TG: variants seen among roughly 807,000 people sequenced by gnomAD.
TG encodes the protein thyroglobulin.
Under a neutral mutation model 324.7 loss-of-function variants are expected in TG, and 270 were observed. The ratio of observed to expected loss-of-function variants is 0.83; its 90% CI spans 0.75 to 0.92. The LOEUF is 0.92. Ranked by LOEUF, TG falls within the 40% of genes least tolerant of loss-of-function variation. TG has a pLI of 0.00. For missense variants in TG, 3,591 were observed against 3,456.4 expected (o/e 1.04, Z -0.98); for synonymous variants, 1,401 against 1,327.0 (o/e 1.06, Z -1.21).
At chr8:132,882,393 T>C in intron 6 of TG, 76 bp from the exon 7 acceptor site, 1 of 1,534,960 alleles carries the variant, frequency 6.5e-7, no homozygotes, top group Non-Finnish European at 9.0e-7. Flanking sequence ...TCTCTCTCAG[T>C]ATCTGTTTGC....
chr8:132,980,881 T>G (rs542287355), intron 34 of TG, among the ~76,000 whole-genome samples: 22 of 152,308 alleles, frequency 1.4e-4, no homozygotes, highest in Non-Finnish European at 2.6e-4. Context: ...AGCACAGCAC[T>G]GCATGCGGTA....
intron 43 of TG, among the ~76,000 whole-genome samples, chr8:133,112,608 A>G (rs1850352492): frequency 6.6e-6 from 1 of 151,986 alleles, no homozygotes. Flanking sequence ...GAAGGGAGAG[A>G]AAAGGGGAAG....
intron 35 of TG, among the ~76,000 whole-genome samples, chr8:133,000,645 C>G (rs558916203): frequency 1.3e-5 from 2 of 152,298 alleles, no homozygotes; most frequent in Admixed American, 1.3e-4. Flanking sequence ...ACACACGGAG[C>G]ACATCACATT....
Position 132,887,017 on chromosome 8 carries a change from G to T in TG, c.1645G>T (p.Val549Leu). 6.2e-7 allele frequency: 1 copy of T among 1,614,246 alleles called. No homozygotes were observed. The highest frequency in any genetic ancestry group is 8.5e-7 in the Non-Finnish European group (1 of 1,180,054). Residue 549 changes from valine (V) to leucine (L), a missense_variant, in exon 9 of 48, where the codon GTG (valine) becomes TTG (leucine). Transcript: ENST00000220616. ...GGATGGTACTATGAATAAGCCAACT[G>T]TGGGCAGCTTTGGCTTTGAAATTAA... ...KKDGTMNKPT[V>L]GSFGFEINLQ...
chr8:133,083,819 T>C (rs1258484750), intron 41 of TG, among the ~76,000 whole-genome samples: 2 of 152,158 alleles, frequency 1.3e-5, no homozygotes, highest in Non-Finnish European at 2.9e-5. Flanking sequence ...TCTCATCCAG[T>C]GCCCTGCTGC....
intron 41 of TG, chr8:133,038,461 G>T (rs1191483306): frequency 7.5e-7 from 1 of 1,341,794 alleles, no homozygotes; most frequent in African/African-American, 1.4e-5. Flanking sequence ...CTTTTCGCAA[G>T]ATCCCAGGCA....
intron 42 of TG, among the ~76,000 whole-genome samples, chr8:133,095,534 C>G (rs947225840): frequency 6.6e-6 from 1 of 152,166 alleles, no homozygotes; most frequent in Non-Finnish European, 1.5e-5. Flanking sequence ...ACTCCAGGAC[C>G]GTGGTGGGCA....
In TG at chr8:132,966,626, T is replaced by C. The variant is rs1828604557; in HGVS notation, c.5615T>C (p.Leu1872Pro). 1 of 1,614,044 alleles carries C rather than the reference T, an allele frequency of 6.2e-7. No individual in the cohort carries two copies. ...NQVIVNGNQSLSSQKHWLFKH... is the reference protein window; with the variant it reads ...NQVIVNGNQSPSSQKHWLFKH... The stretch of plus-strand genomic sequence containing the variant: ...GTCATTGTCAATGGAAATCAATCAC[T>C]ATCCAGCCAGAAGCACTGGCTTTTC... The change falls in exon 30 of 48, where the codon CTA (leucine) becomes CCA (proline). Residue 1872 changes from leucine (L) to proline (P), a missense_variant. Coordinates refer to ENST00000220616, the MANE Select transcript of TG (RefSeq NM_003235.5).
At position 133,070,009 on chromosome 8, in the gene TG, AAAAAAAAAAAAAAAAAAG is replaced by A. The variant is rs776334231; in HGVS notation, c.7240-25031_7240-25014del. Among the ~76,000 whole-genome samples, 865 of 125,616 alleles carry A rather than the reference AAAAAAAAAAAAAAAAAAG, an allele frequency of 6.9e-3. 39 individuals are homozygous for A. The highest frequency in any genetic ancestry group is 8.8e-3 in the Admixed American group (104 of 11,754). 82.4% of individuals were successfully genotyped at this position (125,616 alleles called of 152,430 possible). A position where few individuals can be genotyped will look rare whatever the true frequency, so the allele number is the denominator to read the frequency against. On this transcript the variant is annotated intron_variant, in intron 41 of 47. Coordinates refer to ENST00000220616, the MANE Select transcript of TG (RefSeq NM_003235.5). ...GAGCAAGGCTCCAGCTCCAAAAAAA[AAAAAAAAAAAAAAAAAAG>A]AAAGAAAGAAAGAAAAGAAAAGAAG... is the stretch of plus-strand genomic sequence containing the variant.
At chr8:132,971,905 G>T (rs182784807) in intron 33 of TG, 32 bp downstream of exon 33, 6 of 1,397,124 alleles carry the variant, frequency 4.3e-6, no homozygotes, top group East Asian at 2.3e-5. Flanking sequence ...TCTCCCCTGC[G>T]CACAGTACTC....
At chr8:133,075,346 A>G (rs569541046) in intron 41 of TG, among the ~76,000 whole-genome samples, 18 of 152,232 alleles carry the variant, frequency 1.2e-4, no homozygotes, top group African/African-American at 3.4e-4. Context: ...CGGTTTCCCA[A>G]TTTTTGCAGC....
At position 133,013,776 on chromosome 8, in the gene TG, C is replaced by G; in HGVS notation, c.6562+12C>G. On this transcript the variant is annotated intron_variant, in intron 37 of 47. Transcript: ENST00000220616. ...CTACCGGAAGCCAGGTAAGCCCAAG[C>G]CTATGCCTTTGCAGCCATCCTGGGA... 1 of 1,607,008 alleles carries G rather than the reference C, an allele frequency of 6.2e-7. No homozygotes were observed. Among genetic ancestry groups the G allele is most frequent in the Non-Finnish European group, 8.5e-7 (1 of 1,179,614 alleles).
rs562365500 is a variant in TG at position 133,032,722 on chromosome 8, A to T, written c.7239+2699A>T. Among the ~76,000 whole-genome samples, 5 of 152,334 alleles carry T rather than the reference A, an allele frequency of 3.3e-5. No individual in the cohort carries two copies. In the East Asian group the frequency reaches 9.6e-4, roughly 29 times the overall value. On this transcript the variant is annotated intron_variant, in intron 41 of 47. Transcript: ENST00000220616. ...TGAGTTGGCAGTTTATTCTGGGATA[A>T]AATCTTAAGTCTCTCTGCAAATCTT...
intron 20 of TG, among the ~76,000 whole-genome samples, chr8:132,915,340 A>G (rs1194021330): frequency 6.6e-6 from 1 of 152,186 alleles, no homozygotes; most frequent in East Asian, 1.9e-4. Flanking sequence ...CCCACAACAC[A>G]CAGGTAAAAT....
chr8:133,064,810 GTCCCAGGACAGTT>G (rs1456995198), intron 41 of TG, among the ~76,000 whole-genome samples: 1 of 152,152 alleles, frequency 6.6e-6, no homozygotes, highest in East Asian at 1.9e-4. Context: ...CTGGGACAGT[GTCCCAGGACAGTT>G]GTATGCACCT....
At chr8:132,998,261 A>G (rs1833069383) in intron 35 of TG, among the ~76,000 whole-genome samples, 1 of 152,248 alleles carries the variant, frequency 6.6e-6, no homozygotes, top group African/African-American at 2.4e-5. Flanking sequence ...CTGGGAGGCC[A>G]GAGGTCAGGC....
chr8:133,010,809 G>C (rs1834438071), intron 35 of TG, among the ~76,000 whole-genome samples: 1 of 152,196 alleles, frequency 6.6e-6, no homozygotes, highest in African/African-American at 2.4e-5. Context: ...CTCTGTGGCT[G>C]CTATGCCTGT....
chr8:133,127,638 C>T (rs964869001), intron 45 of TG, among the ~76,000 whole-genome samples: 8 of 152,150 alleles, frequency 5.3e-5, no homozygotes, highest in South Asian at 2.1e-4. Flanking sequence ...TCACACCTTT[C>T]GAAGAATTAG....
chr8:133,082,031 A>C (rs747354989), intron 41 of TG, among the ~76,000 whole-genome samples: 2 of 152,188 alleles, frequency 1.3e-5, no homozygotes, highest in Non-Finnish European at 2.9e-5. Flanking sequence ...TTTAGAGTCT[A>C]TCTTCTGCAA....
Sources: allele counts gnomAD v4.1 joint callset (sites outside exome capture counted in the v4.1 genomes callset), GRCh38; gene constraint gnomAD v4.1.1; transcripts MANE v1.5; gene names NCBI Gene and HGNC (gene_info 2026-07-23, HGNC 2026-07-21).